Variants in SYNE2 observed in about 807,000 individuals in gnomAD.
SYNE2 encodes the protein nesprin-2.
In SYNE2, 431 loss-of-function variants were observed where a neutral mutation model predicts 856.3. The observed-to-expected ratio is 0.50, with a 90% CI of 0.47 to 0.55. The LOEUF (loss-of-function observed/expected upper bound fraction) is 0.55. SYNE2 is among the 20% of genes least tolerant of loss of function. The pLI, the probability that SYNE2 is intolerant of heterozygous loss-of-function variation, is 0.00. For synonymous variants in SYNE2, 2,923 were observed against 2,872.3 expected, an observed-to-expected ratio of 1.02 and a Z score of -0.56; for missense variants, 8,129 against 8,023.2, an observed-to-expected ratio of 1.01 and a Z score of -0.50.
chr14:64,165,876 C>T (rs923564319), intron 90 of SYNE2, among the ~76,000 whole-genome samples: 1 of 152,048 alleles, frequency 6.6e-6, no homozygotes, highest in Non-Finnish European at 1.5e-5. Context: ...TCCCTCAGGC[C>T]TAGAAAAAGT....
chr14:63,916,796 G>T (rs1329516846), intron 2 of SYNE2, among the ~76,000 whole-genome samples: 3 of 152,040 alleles, frequency 2.0e-5, no homozygotes, highest in Non-Finnish European at 4.4e-5. Context: ...ATTAATAAAA[G>T]CTTCTCGGCT....
chr14:63,936,957 G>A lies in SYNE2; in HGVS notation c.80-3657G>A, dbSNP rs547418894. ...TATCTGGAGGCATTAGATATGAAAC[G>A]TGAGAGAAAGGGAGGAGGCAACCTT... On this transcript the variant is annotated intron_variant, in intron 2 of 115. Transcript: ENST00000555002. 3.9e-5 allele frequency among the ~76,000 whole-genome samples: 6 copies of A among 152,282 alleles called. No individual in the cohort carries two copies. In the South Asian group the frequency reaches 6.2e-4, roughly 16 times the overall value.
intron 16 of SYNE2, 64 bp from the exon 17 acceptor site, chr14:63,982,566 A>T: frequency 6.3e-6 from 9 of 1,431,172 alleles, no homozygotes; most frequent in Non-Finnish European, 8.8e-6. Context: ...GTGAACATTG[A>T]TTATACATAA....
chr14:64,015,079 A>C (rs1183096832), intron 32 of SYNE2, among the ~76,000 whole-genome samples: 1 of 146,290 alleles, frequency 6.8e-6, no homozygotes, highest in Non-Finnish European at 1.5e-5. Flanking sequence ...ATATATGTAT[A>C]TATATATAAC....
In SYNE2 at chr14:64,053,216, A is replaced by G. The variant is rs188992180; in HGVS notation, c.9303A>G (p.Ile3101Met). 4.5e-5 allele frequency: 72 copies of G among 1,613,028 alleles called. No homozygotes were observed. The African/African-American group carries it at 7.1e-4, about 16-fold the overall frequency. ...AAGCCAAGTGTTTATGTGATGAGAT[A>G]ATAAAGAAATTAAATGAAAATAAGA... Reference protein sequence around the residue: ...IEKAKCLCDEIIKKLNENKTF... With the variant: ...IEKAKCLCDEMIKKLNENKTF... The change falls in exon 48 of 116, where the codon ATA (isoleucine) becomes ATG (methionine). Residue 3101 changes from isoleucine (I) to methionine (M), a missense_variant. By Grantham distance (10) the Ile-to-Met change is conservative (BLOSUM62 1). Transcript: ENST00000555002.
Position 63,974,890 on chromosome 14 carries a change from GTGTATATATATA to G in SYNE2, c.1129-1671_1129-1660del, listed in dbSNP as rs1555407340. Among the ~76,000 whole-genome samples the G allele has an allele frequency of 5.5e-4, 15 of 27,504 alleles. 1 individual carries two copies. The highest frequency in any genetic ancestry group is 1.5e-3 in the African/African-American group (13 of 8,402). 18.0% of individuals were successfully genotyped at this position (27,504 alleles called of 152,430 possible). The stretch of plus-strand genomic sequence containing the variant: ...TGTGTGTGTGTGTGTGTGTGTGTGT[GTGTATATATATA>G]TATATATATATATATGTATCTTGAG... On this transcript the variant is annotated intron_variant, in intron 11 of 115. Coordinates refer to ENST00000555002, the MANE Select transcript of SYNE2 (RefSeq NM_182914.3).
chr14:64,080,587 G>T lies in SYNE2; in HGVS notation c.11295G>T (p.Gln3765His), dbSNP rs775618908. 6.2e-7 allele frequency: 1 copy of T among 1,614,174 alleles called. No individual in the cohort carries two copies. The highest frequency in any genetic ancestry group is 8.5e-7 in the Non-Finnish European group (1 of 1,180,036). Residue 3765 changes from glutamine to histidine, a missense_variant, in exon 56 of 116, where the codon CAG becomes CAT. Physicochemically the swap from Gln to His is conservative, Grantham distance 24 (BLOSUM62 0). Around this residue, in one of 3 missense-constraint regions of SYNE2, gnomAD observed 5,410 missense variants for 5,284.8 expected, o/e 1.02. Coordinates refer to ENST00000555002, the MANE Select transcript of SYNE2 (RefSeq NM_182914.3). ...ATAACTTGATGATTCCTTTCCAGCA[G>T]TATCAGCAAGTATCACAGAGAGCAG... ...WMDNLMIPFQ[Q>H]YQQVSQRAEC...
Position 63,924,832 on chromosome 14 carries a change from G to GTTT in SYNE2, c.79+15606_79+15607insTTT, listed in dbSNP as rs1491139905. Among the ~76,000 whole-genome samples the GTTT allele has an allele frequency of 4.3e-3, 403 of 92,840 alleles. 96 individuals are homozygous for GTTT. The highest frequency in any genetic ancestry group is 0.014 in the African/African-American group (320 of 22,180). 60.9% of individuals were successfully genotyped at this position (92,840 alleles called of 152,430 possible). A position where few individuals can be genotyped will look rare whatever the true frequency, so the allele number is the denominator to read the frequency against. ...TTTAACTTTTTTCCTTCCAGCCTTG[G>GTTT]TGTTTTTTTTTTTTTTTTTTTTTTT... is the stretch of plus-strand genomic sequence containing the variant. On this transcript the variant is annotated intron_variant, in intron 2 of 115. Transcript: ENST00000555002.
At chr14:64,111,320 T>G (rs1345344897) in intron 65 of SYNE2, among the ~76,000 whole-genome samples, 1 of 152,112 alleles carries the variant, frequency 6.6e-6, no homozygotes, top group African/African-American at 2.4e-5. Flanking sequence ...CTTAGATTAA[T>G]TAATATTAAT....
chr14:63,983,969 C>G lies in SYNE2; in HGVS notation c.2151+83C>G. The stretch of plus-strand genomic sequence containing the variant: ...ATTAAAAAAAAGATATTGCCGGGCA[C>G]GGTGGCTCATGCCTGTAATCCCAGC... On this transcript the variant is annotated intron_variant, in intron 18 of 115. Coordinates refer to ENST00000555002, the MANE Select transcript of SYNE2 (RefSeq NM_182914.3). The G allele has an allele frequency of 3.8e-6, 4 of 1,048,136 alleles. No homozygotes were observed. The South Asian group carries it at 5.9e-5, about 15-fold the overall frequency. 64.9% of individuals were successfully genotyped at this position (1,048,136 alleles called of 1,614,324 possible). A position where few individuals can be genotyped will look rare whatever the true frequency, so the allele number is the denominator to read the frequency against.
chr14:64,088,970 A>G lies in SYNE2; in HGVS notation c.11671-604A>G, dbSNP rs186479433. On this transcript the variant is annotated intron_variant, in intron 58 of 115. Transcript: ENST00000555002. ...AATTCTATATACCTTCTTAAATAGT[A>G]GGTGCACAGAATAATGTCCATGTAA... Among the ~76,000 whole-genome samples, 11 of 152,356 alleles carry G rather than the reference A, an allele frequency of 7.2e-5. No individual in the cohort carries two copies. In the East Asian group the frequency reaches 2.1e-3, roughly 29 times the overall value.
rs542064544 is a variant in SYNE2, at chr14:63,844,010, A to G, written c.-304-8491A>G. Reference sequence around the variant, plus strand: ...CATCCGGCACCAGAGTTTACAATCCATGAAACTACATTGACACATTATCAT... The same window carrying G: ...CATCCGGCACCAGAGTTTACAATCCGTGAAACTACATTGACACATTATCAT... On this transcript the variant is annotated intron_variant, in intron 1 of 23. Transcript: ENST00000674003. Among the ~76,000 whole-genome samples, 7 of 152,332 alleles carry G rather than the reference A, an allele frequency of 4.6e-5. No homozygotes were observed. The South Asian group carries it at 6.2e-4, about 14-fold the overall frequency.
upstream of SYNE2, among the ~76,000 whole-genome samples, chr14:63,852,010 T>TGG (rs368330888): frequency 0.15 from 370 of 2,408 alleles, 88 homozygotes; most frequent in Non-Finnish European, 0.27. Context: ...ATGGATGAAA[T>TGG]GGGGGGGGGG....
At chr14:63,830,729 TTAA>T (rs1354139929) in intron 1 of SYNE2, among the ~76,000 whole-genome samples, 1 of 152,062 alleles carries the variant, frequency 6.6e-6, no homozygotes, top group East Asian at 1.9e-4. Context: ...CGAATACTTA[TTAA>T]TAACAGTTTG....
At chr14:64,128,393 T>TA in intron 73 of SYNE2, 59 bp from the exon 74 acceptor site, 2 of 910,796 alleles carry the variant, frequency 2.2e-6, no homozygotes, top group Non-Finnish European at 3.6e-6. Flanking sequence ...CAACTAAATA[T>TA]AAAAAAAGAT....
chr14:64,048,329 T>C (rs1375645804), intron 46 of SYNE2, 174 bp downstream of exon 46: 1 of 535,098 alleles, frequency 1.9e-6, no homozygotes, highest in Non-Finnish European at 3.2e-6. Flanking sequence ...TATAAATCTT[T>C]CCATTTAGAA....
At chr14:63,825,355 T>C (rs1889385542) in intron 1 of SYNE2, among the ~76,000 whole-genome samples, 1 of 152,096 alleles carries the variant, frequency 6.6e-6, no homozygotes, top group Non-Finnish European at 1.5e-5. Context: ...AAAAAACCTA[T>C]TGTATCTACA....
At chr14:63,927,046 A>T (rs1357619478) in intron 2 of SYNE2, among the ~76,000 whole-genome samples, 1 of 152,182 alleles carries the variant, frequency 6.6e-6, no homozygotes, top group East Asian at 1.9e-4. Flanking sequence ...CCAGGGGTGT[A>T]GGAGAGAGTA....
At position 64,022,743 on chromosome 14, in the gene SYNE2, C is replaced by G. The variant is rs1188591395; in HGVS notation, c.5525-8C>G. ...TGAATGAATAGAGCTTTTTTTTTCC[C>G]CCTGCAGATCAATGCAAGAACTTTA... On this transcript the variant is annotated splice_polypyrimidine_tract_variant and splice_region_variant and intron_variant, in intron 37 of 115. Transcript: ENST00000555002. 6.9e-7 allele frequency: 1 copy of G among 1,444,664 alleles called. No homozygotes were observed. Among genetic ancestry groups the G allele is most frequent in the Non-Finnish European group, 9.7e-7 (1 of 1,029,304 alleles). The allele number at this position is 1,444,664 out of a possible 1,614,324, so 89.5% of individuals were successfully genotyped here. A position where few individuals can be genotyped will look rare whatever the true frequency, so the allele number is the denominator to read the frequency against.
Sources: gnomAD v4.1 joint callset for allele counts (sites outside exome capture counted in the v4.1 genomes callset) on GRCh38, gnomAD v4.1.1 for gene constraint, gnomAD v4.1.1 regional missense constraint, MANE v1.5 for transcripts, NCBI Gene and HGNC (gene_info 2026-07-23, HGNC 2026-07-21) for gene names.